Variants in CHCHD4 observed in about 807,000 individuals in gnomAD.
The protein encoded by CHCHD4 is coiled-coil-helix-coiled-coil-helix domain containing 4.
Under a neutral mutation model 12.4 loss-of-function variants are expected in CHCHD4, and 7 were observed. The ratio of observed to expected loss-of-function variants is 0.57; its 90% confidence interval spans 0.32 to 1.06. The LOEUF (loss-of-function observed/expected upper bound fraction) is 1.06. Ranked by LOEUF, CHCHD4 falls within the 50% of genes least tolerant of loss-of-function variation. The pLI, the probability that CHCHD4 is intolerant of heterozygous loss-of-function variation, is 0.04. For missense variants in CHCHD4, 143 were observed against 175.1 expected, an observed-to-expected ratio of 0.82 and a Z score of 1.03; for synonymous variants, 56 against 58.0, an observed-to-expected ratio of 0.97 and a Z score of 0.16.
At chr3:14,114,101 C>T (rs960515613) in intron 2 of CHCHD4, among the ~76,000 whole-genome samples, 1 of 152,158 alleles carries the variant, frequency 6.6e-6, no homozygotes, top group Non-Finnish European at 1.5e-5. Flanking sequence ...ACACATGATT[C>T]TTCACTCCAG....
intron 2 of CHCHD4, among the ~76,000 whole-genome samples, chr3:14,113,402 C>T (rs1389378747): frequency 6.6e-6 from 1 of 152,164 alleles, no homozygotes; most frequent in Non-Finnish European, 1.5e-5. Context: ...TATTTCTCCA[C>T]GTGTGACACT....
intron 1 of CHCHD4, among the ~76,000 whole-genome samples, chr3:14,117,453 C>G (rs778003607): frequency 6.6e-6 from 1 of 152,228 alleles, no homozygotes; most frequent in Non-Finnish European, 1.5e-5. Flanking sequence ...TGGAGTACAA[C>G]AGAAAACCAA....
chr3:14,120,925 G>C (rs1433348290), intron 1 of CHCHD4, among the ~76,000 whole-genome samples: 1 of 152,182 alleles, frequency 6.6e-6, no homozygotes, highest in Non-Finnish European at 1.5e-5. Flanking sequence ...TACAGACTAA[G>C]AGTTTTTAAG....
Position 14,124,650 on chromosome 3 carries a change from C to G in CHCHD4, c.22+5G>C. 4.6e-6 allele frequency: 7 copies of G among 1,521,382 alleles called. No individual in the cohort carries two copies. The highest frequency in any genetic ancestry group is 6.2e-6 in the Non-Finnish European group (7 of 1,136,994). 94.2% of individuals were successfully genotyped at this position (1,521,382 alleles called of 1,614,324 possible). ...CCGGTCTCCGTGGCAGCCCGCCCTC[C>G]CTACCTTCCTGCCGGCAATAGGACA... is the stretch of plus-strand genomic sequence containing the variant. On this transcript the variant is annotated splice_donor_5th_base_variant and intron_variant, in intron 1 of 2. Coordinates refer to ENST00000396914, the MANE Select transcript of CHCHD4 (RefSeq NM_001098502.2).
intron 1 of CHCHD4, chr3:14,122,156 A>G: frequency 6.7e-7 from 1 of 1,491,354 alleles, no homozygotes; most frequent in Non-Finnish European, 8.9e-7. Context: ...AGGTTTTCTT[A>G]AGAAAGTGGC....
intron 1 of CHCHD4, among the ~76,000 whole-genome samples, chr3:14,121,054 A>G (rs1028611821): frequency 5.3e-5 from 8 of 152,140 alleles, no homozygotes; most frequent in African/African-American, 1.4e-4. Flanking sequence ...CTGCAGGCAT[A>G]TCCCCCCAAG....
chr3:14,124,849 A>C lies in CHCHD4; in HGVS notation c.-173T>G. 1 of 731,024 alleles carries C rather than the reference A, an allele frequency of 1.4e-6. No individual in the cohort carries two copies. Among genetic ancestry groups the C allele is most frequent in the Non-Finnish European group, 2.2e-6 (1 of 454,334 alleles). 45.3% of individuals were successfully genotyped at this position (731,024 alleles called of 1,614,324 possible). A position where few individuals can be genotyped will look rare whatever the true frequency, so the allele number is the denominator to read the frequency against. ...CCTCGGCGCCCTCGCAACCGCGGCC[A>C]GGCCAACCTCAGCCGGAAACTACAT... On this transcript the variant is annotated 5_prime_UTR_variant, in exon 1 of 3. Coordinates refer to ENST00000396914, the MANE Select transcript of CHCHD4 (RefSeq NM_001098502.2).
intron 1 of CHCHD4, chr3:14,122,042 A>C (rs750082971): frequency 1.6e-5 from 26 of 1,610,868 alleles, no homozygotes; most frequent in Non-Finnish European, 2.1e-5. Flanking sequence ...TCAGGGAGGG[A>C]AGGAGGGGAA....
At chr3:14,114,318 T>C (rs1694852792) in intron 2 of CHCHD4, among the ~76,000 whole-genome samples, 1 of 152,162 alleles carries the variant, frequency 6.6e-6, no homozygotes, top group South Asian at 2.1e-4. Context: ...CCATCAGCAG[T>C]TGCAGATCAA....
chr3:14,118,195 G>A (rs1694896011), intron 1 of CHCHD4, among the ~76,000 whole-genome samples: 1 of 152,220 alleles, frequency 6.6e-6, no homozygotes, highest in African/African-American at 2.4e-5. Flanking sequence ...GACTTCTTCA[G>A]GTATGGCCAA....
intron 1 of CHCHD4, among the ~76,000 whole-genome samples, chr3:14,124,064 G>A (rs1192230985): frequency 6.6e-6 from 1 of 152,218 alleles, no homozygotes. Context: ...TTACTCTTCA[G>A]TAAAATGTGA....
chr3:14,119,414 G>A (rs543711545), intron 1 of CHCHD4: 7 of 152,302 alleles, frequency 4.6e-5, no homozygotes, highest in African/African-American at 1.7e-4. Context: ...ACTGTCCATT[G>A]TATGCCTGTC....
At chr3:14,117,305 T>C (rs1259724820) in intron 1 of CHCHD4, among the ~76,000 whole-genome samples, 1 of 152,120 alleles carries the variant, frequency 6.6e-6, no homozygotes, top group African/African-American at 2.4e-5. Flanking sequence ...GAGAGTCAAA[T>C]GCATTTTATA....
chr3:14,119,488 C>T (rs1694910608), intron 1 of CHCHD4, among the ~76,000 whole-genome samples: 1 of 138,618 alleles, frequency 7.2e-6, no homozygotes, highest in Admixed American at 8.1e-5. Context: ...AAGGACAAGG[C>T]TTACCTATTC....
Position 14,115,405 on chromosome 3 carries a change from G to A in CHCHD4, c.121+1021C>T, listed in dbSNP as rs182219559. 3.1e-3 allele frequency among the ~76,000 whole-genome samples: 436 copies of A among 139,122 alleles called. 1 individual carries two copies. Among genetic ancestry groups the A allele is most frequent in the African/African-American group, 0.013 (385 of 29,372 alleles). The allele number at this position is 139,122 out of a possible 152,430, so 91.3% of individuals were successfully genotyped here. A position where few individuals can be genotyped will look rare whatever the true frequency, so the allele number is the denominator to read the frequency against. On this transcript the variant is annotated intron_variant, in intron 2 of 2. Transcript: ENST00000396914. The stretch of plus-strand genomic sequence containing the variant: ...CCGATTTGTCCTGCAGGCCTCCACA[G>A]TCTTGATCAATTAATGAAATGTGCT...
chr3:14,117,351 C>G (rs1466478543), intron 1 of CHCHD4, among the ~76,000 whole-genome samples: 1 of 152,176 alleles, frequency 6.6e-6, no homozygotes. Flanking sequence ...TGGGTGAGCA[C>G]AGAAAAGCAC....
In CHCHD4 at chr3:14,112,679, G is replaced by C; in HGVS notation, c.*208C>G. 2.0e-6 allele frequency: 1 copy of C among 496,070 alleles called. No homozygotes were observed. Among genetic ancestry groups the C allele is most frequent in the Non-Finnish European group, 3.5e-6 (1 of 283,762 alleles). The allele number at this position is 496,070 out of a possible 1,614,324, so 30.7% of individuals were successfully genotyped here. A position where few individuals can be genotyped will look rare whatever the true frequency, so the allele number is the denominator to read the frequency against. ...TTCAAAAGTGGCGGCCACAGGTTTG[G>C]GTAGGACACACATACATACAACCCC... On this transcript the variant is annotated 3_prime_UTR_variant, in exon 3 of 3. Transcript: ENST00000396914.
chr3:14,120,132 T>C (rs1694917201), intron 1 of CHCHD4, among the ~76,000 whole-genome samples: 1 of 152,066 alleles, frequency 6.6e-6, no homozygotes, highest in Non-Finnish European at 1.5e-5. Context: ...AGTGGGGAAC[T>C]GGAGGCCCGA....
chr3:14,118,978 TAGAG>T (rs1018854341), intron 1 of CHCHD4, among the ~76,000 whole-genome samples: 5 of 152,146 alleles, frequency 3.3e-5, no homozygotes, highest in African/African-American at 7.2e-5. Flanking sequence ...TTGCCATACA[TAGAG>T]AGACCAGGCC....
Sources: gnomAD v4.1 joint callset for allele counts (sites outside exome capture counted in the v4.1 genomes callset) on GRCh38, gnomAD v4.1.1 for gene constraint, MANE v1.5 for transcripts, NCBI Gene and HGNC (gene_info 2026-07-23, HGNC 2026-07-21) for gene names.